Variants in COL19A1 observed in about 807,000 individuals in gnomAD.
COL19A1 encodes the protein collagen alpha-1(XIX) chain.
COL19A1 carries 159 observed loss-of-function variants against 190.2 expected under a neutral mutation model. That is an observed-to-expected ratio of 0.84 (90% CI 0.73 to 0.95). The LOEUF (loss-of-function observed/expected upper bound fraction) is 0.95, where lower values mean the gene tolerates loss of function less well. COL19A1 is among the 40% of genes least tolerant of loss of function. The pLI, the probability that COL19A1 is intolerant of heterozygous loss-of-function variation, is 0.00. For synonymous variants in COL19A1, 509 were observed against 458.9 expected (o/e 1.11, Z -1.39); for missense variants, 1,418 against 1,431.9 (o/e 0.99, Z 0.16).
At chr6:70,070,151 G>A (rs1450869646) in intron 15 of COL19A1, among the ~76,000 whole-genome samples, 1 of 152,114 alleles carries the variant, frequency 6.6e-6, no homozygotes, top group Non-Finnish European at 1.5e-5. Context: ...AGACTTGTTA[G>A]ATACTGGGTG....
chr6:70,086,863 A>C (rs1220919434), intron 15 of COL19A1, among the ~76,000 whole-genome samples: 1 of 152,200 alleles, frequency 6.6e-6, no homozygotes, highest in African/African-American at 2.4e-5. Context: ...CTCAGTCCAA[A>C]AACAAGAACA....
chr6:70,067,854 G>C (rs1781336104), intron 14 of COL19A1, among the ~76,000 whole-genome samples: 1 of 151,256 alleles, frequency 6.6e-6, no homozygotes, highest in South Asian at 2.1e-4. Flanking sequence ...TTAATACCTG[G>C]GATTTCCTAG....
At chr6:70,090,177 C>CA (rs112111876) in intron 15 of COL19A1, among the ~76,000 whole-genome samples, 522 of 141,500 alleles carry the variant, frequency 3.7e-3, no homozygotes, top group East Asian at 0.022. Context: ...ACTCTTATCT[C>CA]AAAAAAAAAA....
rs3763246 is a variant in COL19A1, at chr6:70,130,196, T to C, written c.1356T>C (p.His452=). 59 of 1,612,252 alleles carry C rather than the reference T, an allele frequency of 3.7e-5. No individual in the cohort carries two copies. The East Asian group carries it at 1.2e-3, about 34-fold the overall frequency. ...TTCACCCCTAGGGAAATGATGAACATGAAGCTGGAGGCCTGAAAGGAGACA... is the reference window on the plus strand; with the variant it reads ...TTCACCCCTAGGGAAATGATGAACACGAAGCTGGAGGCCTGAAAGGAGACA... ...YNKDNKGNDE[H]EAGGLKGDKG... is the part of the protein sequence containing the mutation. The change falls in exon 18 of 51, where the codon CAT becomes CAC. Residue 452 remains histidine (H), a synonymous_variant. Coordinates refer to ENST00000620364, the MANE Select transcript of COL19A1 (RefSeq NM_001858.6).
At chr6:70,143,693 T>C (rs535321196) in intron 23 of COL19A1, among the ~76,000 whole-genome samples, 64 of 151,806 alleles carry the variant, frequency 4.2e-4, no homozygotes, top group Non-Finnish European at 8.5e-4. Flanking sequence ...ATCACTCCCC[T>C]ATGCCAAGTA....
rs74510993 is a variant in COL19A1 at position 69,990,576 on chromosome 6, C to A, written c.1026+27706C>A. On this transcript the variant is annotated intron_variant, in intron 11 of 50. Transcript: ENST00000620364. ...TTTATTACATTATTTGTTAAAGAAT[C>A]GGGGTTGTTTGTCCTGAAGAATCTT... 1.1e-4 allele frequency among the ~76,000 whole-genome samples: 17 copies of A among 152,042 alleles called. No homozygotes were observed. In the East Asian group the frequency reaches 2.9e-3, roughly 26 times the overall value.
At chr6:70,096,166 C>T (rs1783257435) in intron 15 of COL19A1, among the ~76,000 whole-genome samples, 1 of 151,596 alleles carries the variant, frequency 6.6e-6, no homozygotes. Flanking sequence ...ACTGCGCCCT[C>T]CACCTCCTGG....
intron 14 of COL19A1, among the ~76,000 whole-genome samples, chr6:70,062,341 T>G (rs971107695): frequency 6.6e-6 from 1 of 152,144 alleles, no homozygotes; most frequent in African/African-American, 2.4e-5. Context: ...TATTACTTTT[T>G]TATTCAAAAT....
chr6:69,908,782 T>C (rs962818331), intron 4 of COL19A1, among the ~76,000 whole-genome samples: 4 of 152,114 alleles, frequency 2.6e-5, no homozygotes, highest in South Asian at 4.1e-4. Flanking sequence ...GTAGAACATA[T>C]CAGTAATTAA....
intron 9 of COL19A1, among the ~76,000 whole-genome samples, chr6:69,938,742 C>T (rs1773271804): frequency 1.3e-5 from 2 of 151,948 alleles, no homozygotes; most frequent in South Asian, 2.1e-4. Flanking sequence ...TGGACTGGAC[C>T]TCTAAGTGTG....
chr6:70,102,271 T>TC, intron 16 of COL19A1, 49 bp downstream of exon 16: 1 of 1,320,086 alleles, frequency 7.6e-7, no homozygotes, highest in Admixed American at 1.7e-5. Flanking sequence ...TGTCTTTATG[T>TC]CTGTGTGTTT....
intron 10 of COL19A1, among the ~76,000 whole-genome samples, chr6:69,960,623 C>CTTTTTTTTTTTTTTTTTT (rs35552190): frequency 9.1e-6 from 1 of 109,858 alleles, no homozygotes; most frequent in Non-Finnish European, 1.8e-5. Context: ...TGTGCCCCCA[C>CTTTTTTTTTTTTTTTTTT]TTTTTTTTTT....
chr6:69,896,895 A>G lies in COL19A1; in HGVS notation c.92-2053A>G, dbSNP rs147149505. ...TTGTATATTCTAGAAATGATACTTT[A>G]TTGCATATTTGGACTGGAGGTAACT... On this transcript the variant is annotated intron_variant, in intron 2 of 50. Transcript: ENST00000620364. Among the ~76,000 whole-genome samples, 555 of 152,276 alleles carry G rather than the reference A, an allele frequency of 3.6e-3. 8 individuals carry two copies. Among genetic ancestry groups the G allele is most frequent in the African/African-American group, 0.013 (525 of 41,560 alleles).
chr6:70,065,778 C>G (rs1305161221), intron 14 of COL19A1, among the ~76,000 whole-genome samples: 3 of 152,050 alleles, frequency 2.0e-5, no homozygotes, highest in African/African-American at 7.2e-5. Context: ...AACAAACAAC[C>G]CCATCAAAAA....
intron 13 of COL19A1, among the ~76,000 whole-genome samples, chr6:70,035,285 A>G (rs1305469064): frequency 6.6e-6 from 1 of 152,228 alleles, no homozygotes; most frequent in African/African-American, 2.4e-5. Context: ...GTGAACTTTT[A>G]GATGAACCAT....
At chr6:70,042,808 A>C (rs1253433880) in intron 14 of COL19A1, among the ~76,000 whole-genome samples, 1 of 152,182 alleles carries the variant, frequency 6.6e-6, no homozygotes, top group Non-Finnish European at 1.5e-5. Context: ...TGTTTGCAGC[A>C]TTTTCACCAG....
At chr6:69,907,276 C>A (rs1324557446) in intron 4 of COL19A1, among the ~76,000 whole-genome samples, 2 of 151,752 alleles carry the variant, frequency 1.3e-5, no homozygotes, top group Non-Finnish European at 2.9e-5. Context: ...ATTACAGGTG[C>A]GTGCCACCAC....
intron 15 of COL19A1, among the ~76,000 whole-genome samples, chr6:70,082,875 A>G (rs1247923501): frequency 6.6e-6 from 1 of 152,184 alleles, no homozygotes; most frequent in Non-Finnish European, 1.5e-5. Context: ...GATTCTCATA[A>G]GGAGCGTGTA....
At chr6:69,956,427 G>A (rs1244404203) in intron 9 of COL19A1, among the ~76,000 whole-genome samples, 2 of 151,668 alleles carry the variant, frequency 1.3e-5, no homozygotes, top group Non-Finnish European at 2.9e-5. Context: ...TTAGAATGAA[G>A]TCCCAAAATA....
Sources: gnomAD v4.1 joint callset for allele counts (sites outside exome capture counted in the v4.1 genomes callset) on GRCh38, gnomAD v4.1.1 for gene constraint, MANE v1.5 for transcripts, NCBI Gene and HGNC (gene_info 2026-07-23, HGNC 2026-07-21) for gene names.